The following APBA1 variants were observed in gnomAD, a reference collection of about 807,000 sequenced individuals.
The protein encoded by APBA1 is amyloid beta precursor protein binding family A member 1.
Under a neutral mutation model 86.6 loss-of-function variants are expected in APBA1, and 55 were observed. That is an observed-to-expected ratio of 0.64 (90% CI 0.51 to 0.80). The LOEUF (loss-of-function observed/expected upper bound fraction) is 0.80, where lower values mean the gene tolerates loss of function less well. Among genes scored for constraint, APBA1 ranks in the 30% least tolerant of loss-of-function variants. APBA1 has a pLI of 0.00. For missense variants in APBA1, 1,090 were observed against 1,183.0 expected (o/e 0.92, Z 1.15); for synonymous variants, 511 against 493.9 (o/e 1.03, Z -0.46).
intron 1 of APBA1, among the ~76,000 whole-genome samples, chr9:69,545,812 T>C (rs1836688751): frequency 6.6e-6 from 1 of 152,130 alleles, no homozygotes; most frequent in Non-Finnish European, 1.5e-5. Flanking sequence ...TGACTTTGAA[T>C]GCAAAAAGAA....
At chr9:69,658,078 A>C (rs1823647398) in intron 1 of APBA1, among the ~76,000 whole-genome samples, 1 of 152,206 alleles carries the variant, frequency 6.6e-6, no homozygotes, top group Admixed American at 6.5e-5. Flanking sequence ...CACACCACAC[A>C]CATGTATCAC....
intron 1 of APBA1, among the ~76,000 whole-genome samples, chr9:69,574,146 A>G (rs1821731342): frequency 6.6e-6 from 1 of 152,248 alleles, no homozygotes; most frequent in African/African-American, 2.4e-5. Flanking sequence ...GACAGACAGG[A>G]AACTTTTACA....
chr9:69,523,023 C>A (rs1028932490), intron 1 of APBA1, among the ~76,000 whole-genome samples: 5 of 152,124 alleles, frequency 3.3e-5, no homozygotes, highest in Non-Finnish European at 7.4e-5. Flanking sequence ...GCACAGATGG[C>A]TTTCTGGTCT....
At chr9:69,475,942 G>T (rs1835437412) in intron 3 of APBA1, 106 bp downstream of exon 3, 5 of 859,428 alleles carry the variant, frequency 5.8e-6, no homozygotes, top group Non-Finnish European at 7.7e-6. Context: ...TCTCACCAGG[G>T]TAATGTGGGT....
At chr9:69,542,356 A>G (rs1836626571) in intron 1 of APBA1, among the ~76,000 whole-genome samples, 1 of 152,186 alleles carries the variant, frequency 6.6e-6, no homozygotes, top group Admixed American at 6.5e-5. Flanking sequence ...ACATGTATCC[A>G]CCATTATTGT....
chr9:69,443,815 A>G (rs1038406040), intron 10 of APBA1, among the ~76,000 whole-genome samples: 3 of 152,218 alleles, frequency 2.0e-5, no homozygotes, highest in Admixed American at 2.0e-4. Context: ...ATAATGCCCC[A>G]TATACACAAC....
chr9:69,580,219 C>T (rs1358829482), intron 1 of APBA1, among the ~76,000 whole-genome samples: 3 of 152,188 alleles, frequency 2.0e-5, no homozygotes, highest in Non-Finnish European at 4.4e-5. Context: ...AGCCTTCTAT[C>T]GAGGATTCGG....
At chr9:69,651,475 T>A (rs1235615558) in intron 1 of APBA1, among the ~76,000 whole-genome samples, 1 of 152,100 alleles carries the variant, frequency 6.6e-6, no homozygotes, top group Admixed American at 6.5e-5. Context: ...AATGACTGAC[T>A]GTATTTTTTT....
At chr9:69,610,135 TAGTG>T (rs1304701540) in intron 1 of APBA1, among the ~76,000 whole-genome samples, 1 of 152,108 alleles carries the variant, frequency 6.6e-6, no homozygotes, top group Admixed American at 6.5e-5. Context: ...ATGAGAAACA[TAGTG>T]AGACTCTGTC....
intron 1 of APBA1, among the ~76,000 whole-genome samples, chr9:69,611,160 G>A (rs1822577320): frequency 6.6e-6 from 1 of 151,384 alleles, no homozygotes; most frequent in African/African-American, 2.4e-5. Context: ...GTAAATTCAG[G>A]TTTGTCTAAC....
intron 8 of APBA1, 120 bp from the exon 9 acceptor site, chr9:69,452,421 G>A (rs983120033): frequency 6.5e-6 from 6 of 922,138 alleles, no homozygotes; most frequent in Non-Finnish European, 8.0e-6. Flanking sequence ...TAGACATCAC[G>A]CCTGCTGGGC....
chr9:69,505,474 C>A (rs929575057), intron 2 of APBA1, among the ~76,000 whole-genome samples: 1 of 152,058 alleles, frequency 6.6e-6, no homozygotes, highest in Non-Finnish European at 1.5e-5. Flanking sequence ...TAGGGTGTTG[C>A]CAAATTTTGT....
chr9:69,498,513 T>C (rs1402152913), intron 2 of APBA1, among the ~76,000 whole-genome samples: 1 of 152,128 alleles, frequency 6.6e-6, no homozygotes, highest in Non-Finnish European at 1.5e-5. Context: ...AGGATTCAGA[T>C]GAAAGGCTTA....
chr9:69,528,697 G>A (rs527678160), intron 1 of APBA1, among the ~76,000 whole-genome samples: 4 of 151,906 alleles, frequency 2.6e-5, no homozygotes, highest in African/African-American at 9.6e-5. Flanking sequence ...CACTAAGTGG[G>A]GGCGAGGGTA....
chr9:69,549,505 AC>A (rs1836751673), intron 1 of APBA1, among the ~76,000 whole-genome samples: 1 of 152,170 alleles, frequency 6.6e-6, no homozygotes, highest in Non-Finnish European at 1.5e-5. Flanking sequence ...CCTATGAGTC[AC>A]CAACTTCACA....
At chr9:69,615,148 C>T (rs1205255692) in intron 1 of APBA1, among the ~76,000 whole-genome samples, 6 of 152,240 alleles carry the variant, frequency 3.9e-5, no homozygotes, top group Admixed American at 2.6e-4. Flanking sequence ...TGCAGTGAGC[C>T]GAGATCACGC....
chr9:69,516,589 C>A lies in APBA1; in HGVS notation c.622G>T (p.Asp208Tyr). ...TAGAGCCGCAGGCCGTCGCGTGCGTCCAGCTCGGGCGCGTCCCCTATCTCC... is the reference window on the plus strand; with the variant it reads ...TAGAGCCGCAGGCCGTCGCGTGCGTACAGCTCGGGCGCGTCCCCTATCTCC... ...YEEIGDAPEL[D>Y]ARDGLRLYEQ... The change falls in exon 2 of 13, where the codon GAC (aspartate) becomes TAC (tyrosine). Residue 208 changes from aspartate to tyrosine, a missense_variant. By Grantham distance (160) the Asp-to-Tyr change is radical (BLOSUM62 -3). Coordinates refer to ENST00000265381, the MANE Select transcript of APBA1 (RefSeq NM_001163.4). This position sits in a 1 kb window ranked among gnomAD's most constrained non-coding sequence, Gnocchi z 7.3. The A allele has an allele frequency of 4.4e-6, 7 of 1,603,388 alleles. No homozygotes were observed. The highest frequency in any genetic ancestry group is 1.1e-5 in the South Asian group (1 of 90,896).
chr9:69,617,721 T>G (rs373330020), intron 1 of APBA1, among the ~76,000 whole-genome samples: 37 of 152,276 alleles, frequency 2.4e-4, no homozygotes, highest in African/African-American at 7.9e-4. Flanking sequence ...CAACACCAAA[T>G]TTTTGAGATT....
intron 2 of APBA1, among the ~76,000 whole-genome samples, chr9:69,504,757 G>A (rs1588326083): frequency 6.6e-6 from 1 of 152,046 alleles, no homozygotes; most frequent in East Asian, 1.9e-4. Context: ...GTGTTCCCCA[G>A]GGCACCTTGT....
Sources: allele counts gnomAD v4.1 joint callset (sites outside exome capture counted in the v4.1 genomes callset), GRCh38; gene constraint gnomAD v4.1.1; non-coding constraint Gnocchi (gnomAD v3.1); transcripts MANE v1.5; gene names NCBI Gene and HGNC (gene_info 2026-07-23, HGNC 2026-07-21).